The following OVCH1 variants were observed in gnomAD, a reference collection of about 807,000 sequenced individuals.
OVCH1 encodes ovochymase-1.
A neutral mutation model predicts 138.4 loss-of-function variants in OVCH1; 139 were observed. That is an observed-to-expected ratio of 1.00 (90% CI 0.87 to 1.16). OVCH1 has a LOEUF of 1.16. Among genes scored for constraint, OVCH1 ranks in the 50% most tolerant of loss-of-function variants. The probability of loss-of-function intolerance (pLI) is 0.00; values close to 1 mark genes in which losing one functional copy is unlikely to be tolerated. For missense variants in OVCH1, 1,367 were observed against 1,357.9 expected, an observed-to-expected ratio of 1.01 and a Z score of -0.11; for synonymous variants, 453 against 467.8, an observed-to-expected ratio of 0.97 and a Z score of 0.41.
intron 1 of OVCH1, among the ~76,000 whole-genome samples, chr12:29,497,364 G>A (rs1281579390): frequency 2.0e-5 from 3 of 152,168 alleles, no homozygotes; most frequent in Non-Finnish European, 2.9e-5. Flanking sequence ...TTTCCTTGGA[G>A]GAGGCTCCTT....
downstream of OVCH1, among the ~76,000 whole-genome samples, chr12:29,409,817 A>G (rs577077720): frequency 5.9e-5 from 9 of 152,236 alleles, no homozygotes; most frequent in South Asian, 1.2e-3. Context: ...GTAGATGTCT[A>G]TGAGGTCTGC....
chr12:29,447,360 T>C (rs1449036898), intron 22 of OVCH1, among the ~76,000 whole-genome samples: 2 of 151,948 alleles, frequency 1.3e-5, no homozygotes, highest in Admixed American at 6.6e-5. Context: ...TAAAGGAAAA[T>C]TGCCTATTAA....
chr12:29,445,537 T>C, intron 22 of OVCH1, 134 bp from the exon 23 acceptor site: 1 of 920,820 alleles, frequency 1.1e-6, no homozygotes, highest in Non-Finnish European at 1.6e-6. Flanking sequence ...GAAACAGGAC[T>C]CCAGAACATA....
chr12:29,407,984 G>C (rs375184622), downstream of OVCH1, among the ~76,000 whole-genome samples: 59 of 142,192 alleles, frequency 4.1e-4, 2 homozygotes, highest in East Asian at 9.6e-3. Context: ...TTATTTCCTT[G>C]AGCAGTGGTT....
At chr12:29,443,790 A>G (rs990586147) in intron 24 of OVCH1, among the ~76,000 whole-genome samples, 4 of 152,112 alleles carry the variant, frequency 2.6e-5, no homozygotes, top group Non-Finnish European at 5.9e-5. Context: ...TGAAGGACCT[A>G]TATGTGCCAG....
intron 27 of OVCH1, among the ~76,000 whole-genome samples, chr12:29,431,984 GTCA>G (rs1373400383): frequency 6.6e-6 from 1 of 152,160 alleles, no homozygotes; most frequent in African/African-American, 2.4e-5. Flanking sequence ...TAGCTGAAAT[GTCA>G]TTACCTTTAT....
At chr12:29,478,721 T>C (rs900524516) in intron 9 of OVCH1, 114 bp downstream of exon 10, 1 of 561,294 alleles carries the variant, frequency 1.8e-6, no homozygotes, top group Non-Finnish European at 2.7e-6. Flanking sequence ...AAGGAATAAA[T>C]AATGGCTACT....
At position 29,444,283 on chromosome 12, in the gene OVCH1, A is replaced by G. The variant is rs777731240; in HGVS notation, c.2882-3T>C. On this transcript the variant is annotated splice_polypyrimidine_tract_variant and splice_region_variant and intron_variant, in intron 23 of 27. Transcript: ENST00000318184. ...GGTTATTTTACTGTCCTTTGGACCTAAAAGAACAGGAAGCAGAGAAAATGA... is the reference window on the plus strand; with the variant it reads ...GGTTATTTTACTGTCCTTTGGACCTGAAAGAACAGGAAGCAGAGAAAATGA... 2 of 1,609,160 alleles carry G rather than the reference A, an allele frequency of 1.2e-6. No individual in the cohort carries two copies. Among genetic ancestry groups the G allele is most frequent in the Non-Finnish European group, 8.5e-7 (1 of 1,177,686 alleles).
chr12:29,474,083 A>G (rs1434643013), intron 14 of OVCH1, among the ~76,000 whole-genome samples: 1 of 138,858 alleles, frequency 7.2e-6, no homozygotes, highest in East Asian at 2.0e-4. Flanking sequence ...ATACACACAC[A>G]CACACACACA....
At chr12:29,443,175 A>C (rs537232960) in intron 25 of OVCH1, among the ~76,000 whole-genome samples, 186 bp downstream of exon 25, 1 of 152,136 alleles carries the variant, frequency 6.6e-6, no homozygotes, top group Non-Finnish European at 1.5e-5. Context: ...GTTTTTAACT[A>C]AACCTGAGGA....
exon 25 of OVCH1, chr12:29,443,465 A>T (rs753183424): frequency 3.1e-6 from 5 of 1,609,352 alleles, no homozygotes; most frequent in Non-Finnish European, 4.2e-6. Flanking sequence ...AAGCTGAATG[A>T]TGTGATTTAA....
At chr12:29,451,471 G>A in exon 22 of OVCH1, 10 of 1,613,352 alleles carry the variant, frequency 6.2e-6, no homozygotes, top group Non-Finnish European at 8.5e-6. Context: ...GAAACTCTGA[G>A]CACCCAAGAA....
In OVCH1 at chr12:29,445,698, T is replaced by G. The variant is rs149589681; in HGVS notation, c.2756-295A>C. Among the ~76,000 whole-genome samples, 298 of 152,236 alleles carry G rather than the reference T, an allele frequency of 2.0e-3. 2 individuals carry two copies. The highest frequency in any genetic ancestry group is 6.8e-3 in the African/African-American group (281 of 41,572). ...ATTATTTTATGTTTAAAATGACTGATGTGACCTTTTTCTCCTAGAAAAGTA... is the reference window on the plus strand; with the variant it reads ...ATTATTTTATGTTTAAAATGACTGAGGTGACCTTTTTCTCCTAGAAAAGTA... On this transcript the variant is annotated intron_variant, in intron 22 of 27. Transcript: ENST00000318184.
At chr12:29,472,147 C>T (rs1369533732) in intron 15 of OVCH1, among the ~76,000 whole-genome samples, 165 bp from the exon 16 acceptor site, 3 of 152,098 alleles carry the variant, frequency 2.0e-5, no homozygotes, top group African/African-American at 7.2e-5. Context: ...TTTAAGAAGC[C>T]TTCCCAGACT....
At chr12:29,455,389 G>A in exon 20 of OVCH1, 2 of 1,606,568 alleles carry the variant, frequency 1.2e-6, no homozygotes, top group Non-Finnish European at 1.7e-6. Context: ...ACATACTAGT[G>A]GCCCACCAGA....
chr12:29,427,630 A>G, exon 28 of OVCH1: 5 of 1,551,274 alleles, frequency 3.2e-6, no homozygotes, highest in Middle Eastern at 1.7e-4. Context: ...TGGATCCTGG[A>G]CTTCTCAGCC....
At position 29,455,790 on chromosome 12, in the gene OVCH1, C is replaced by G. The variant is rs1190237913; in HGVS notation, c.2281-385G>C. Among the ~76,000 whole-genome samples, 7 of 152,178 alleles carry G rather than the reference C, an allele frequency of 4.6e-5. No individual in the cohort carries two copies. The East Asian group carries it at 1.3e-3, about 29-fold the overall frequency. On this transcript the variant is annotated intron_variant, in intron 19 of 27. Transcript: ENST00000318184. ...TTAATCAGAAAACTGCACAGTGGCT[C>G]AGATGGATCCATCACAAGAAATGTG...
intron 19 of OVCH1, among the ~76,000 whole-genome samples, chr12:29,456,585 A>G (rs1209992195): frequency 6.6e-6 from 1 of 152,230 alleles, no homozygotes; most frequent in Non-Finnish European, 1.5e-5. Flanking sequence ...GAACCAAAAT[A>G]TGTACATCAC....
intron 22 of OVCH1, among the ~76,000 whole-genome samples, chr12:29,448,391 G>A (rs1372607790): frequency 6.6e-6 from 1 of 151,760 alleles, no homozygotes; most frequent in Admixed American, 6.6e-5. Context: ...AAGTCTGGAG[G>A]CAGGGGCGTG....
Sources: allele counts gnomAD v4.1 joint callset (sites outside exome capture counted in the v4.1 genomes callset), GRCh38; gene constraint gnomAD v4.1.1; transcripts MANE v1.5; gene names NCBI Gene and HGNC (gene_info 2026-07-23, HGNC 2026-07-21).